The following PDE3B variants were observed in gnomAD, a reference collection of about 807,000 sequenced individuals.
The protein encoded by PDE3B is cGMP-inhibited 3',5'-cyclic phosphodiesterase 3B.
In PDE3B, 66 loss-of-function variants were observed where a neutral mutation model predicts 116.8. The ratio of observed to expected loss-of-function variants is 0.56; its 90% CI spans 0.46 to 0.69. The LOEUF is 0.69. Ranked by LOEUF, PDE3B falls within the 30% of genes least tolerant of loss-of-function variation. PDE3B has a pLI of 0.00. For synonymous variants in PDE3B, 595 were observed against 533.6 expected (o/e 1.12, Z -1.59); for missense variants, 1,384 against 1,368.1 (o/e 1.01, Z -0.18).
At chr11:14,755,022 A>G (rs1037801398) in intron 1 of PDE3B, among the ~76,000 whole-genome samples, 1 of 152,216 alleles carries the variant, frequency 6.6e-6, no homozygotes, top group Non-Finnish European at 1.5e-5. Context: ...CTCAACCACG[A>G]TTACTGAACA....
rs551268464 is a variant in PDE3B at position 14,694,022 on chromosome 11, G to C, written c.978+48969G>C. On this transcript the variant is annotated intron_variant, in intron 1 of 15. Transcript: ENST00000282096. Reference sequence around the variant, plus strand: ...TTCCAGCCCTCATGAGTGACTTTGAGGGGTTCAAGATGTTAGTGGAGGAAG... The same window carrying C: ...TTCCAGCCCTCATGAGTGACTTTGACGGGTTCAAGATGTTAGTGGAGGAAG... 2.6e-5 allele frequency among the ~76,000 whole-genome samples: 4 copies of C among 152,246 alleles called. No individual in the cohort carries two copies. The East Asian group carries it at 5.8e-4, about 22-fold the overall frequency.
chr11:14,758,167 C>T (rs1475103717), intron 1 of PDE3B, among the ~76,000 whole-genome samples: 1 of 152,162 alleles, frequency 6.6e-6, no homozygotes, highest in Non-Finnish European at 1.5e-5. Context: ...ATCTATATCT[C>T]TGATTTGGTA....
Position 14,643,899 on chromosome 11 carries a change from A to G in PDE3B, c.-177A>G, listed in dbSNP as rs1475249830. 4.5e-6 allele frequency: 4 copies of G among 897,562 alleles called. No homozygotes were observed. Among genetic ancestry groups the G allele is most frequent in the Non-Finnish European group, 6.1e-6 (4 of 651,194 alleles). The allele number at this position is 897,562 out of a possible 1,614,324, so 55.6% of individuals were successfully genotyped here. Reference sequence around the variant, plus strand: ...CCTCTCCTCAGCCAGCATGTCCCGGACTCCGCCGCTCCTCAGTCCGCGCGG... The same window carrying G: ...CCTCTCCTCAGCCAGCATGTCCCGGGCTCCGCCGCTCCTCAGTCCGCGCGG... On this transcript the variant is annotated 5_prime_UTR_variant, in exon 1 of 16. Transcript: ENST00000282096.
chr11:14,863,404 C>T (rs879986659), intron 14 of PDE3B, among the ~76,000 whole-genome samples: 2 of 152,270 alleles, frequency 1.3e-5, no homozygotes, highest in East Asian at 1.9e-4. Flanking sequence ...AAGAGGTTAT[C>T]CCATTGTGGT....
chr11:14,725,223 G>C (rs1177362577), intron 1 of PDE3B, among the ~76,000 whole-genome samples: 2 of 152,028 alleles, frequency 1.3e-5, no homozygotes, highest in East Asian at 3.9e-4. Flanking sequence ...AAATTGGCAG[G>C]CTCAAACTTC....
At chr11:14,832,371 A>G (rs576915738) in intron 9 of PDE3B, among the ~76,000 whole-genome samples, 1 of 152,254 alleles carries the variant, frequency 6.6e-6, no homozygotes, top group Non-Finnish European at 1.5e-5. Flanking sequence ...AAAATGTGAT[A>G]AACTTAGTAT....
intron 1 of PDE3B, among the ~76,000 whole-genome samples, chr11:14,662,422 C>T (rs1853958355): frequency 6.6e-6 from 1 of 152,206 alleles, no homozygotes; most frequent in African/African-American, 2.4e-5. Flanking sequence ...CAAAGGAACT[C>T]AGCTCCTCAC....
At chr11:14,843,667 T>C (rs941977662) in intron 11 of PDE3B, among the ~76,000 whole-genome samples, 160 bp from the exon 12 acceptor site, 2 of 152,206 alleles carry the variant, frequency 1.3e-5, no homozygotes, top group African/African-American at 4.8e-5. Flanking sequence ...ACATGTTAAA[T>C]TGGGAATAAT....
intron 1 of PDE3B, among the ~76,000 whole-genome samples, chr11:14,732,303 C>T (rs1856479466): frequency 6.6e-6 from 1 of 152,142 alleles, no homozygotes; most frequent in African/African-American, 2.4e-5. Context: ...GTCTAGATTT[C>T]ATACTGGTAC....
At chr11:14,806,871 A>G (rs60565271) in intron 5 of PDE3B, among the ~76,000 whole-genome samples, 12,023 of 150,432 alleles carry the variant, frequency 0.08, 500 homozygotes, top group Middle Eastern at 0.13. Context: ...AAAAAAAAAA[A>G]AAAAAAAAAG....
intron 1 of PDE3B, among the ~76,000 whole-genome samples, chr11:14,671,376 C>G (rs1015683815): frequency 1.3e-5 from 2 of 151,946 alleles, no homozygotes; most frequent in Non-Finnish European, 2.9e-5. Context: ...GGCAGAAGAA[C>G]CAGCAAAGGC....
At chr11:14,742,683 G>C (rs563903257) in intron 1 of PDE3B, among the ~76,000 whole-genome samples, 1 of 152,124 alleles carries the variant, frequency 6.6e-6, no homozygotes, top group African/African-American at 2.4e-5. Flanking sequence ...GGAATTTTCA[G>C]CCTTTTTGTG....
Position 14,683,367 on chromosome 11 carries a change from T to A in PDE3B, c.978+38314T>A, listed in dbSNP as rs192268223. ...TGAACTTATTTAATAGTTATAGAAT[T>A]ACTCAGAATATCTATCTCATCATTG... On this transcript the variant is annotated intron_variant, in intron 1 of 15. Transcript: ENST00000282096. Among the ~76,000 whole-genome samples the A allele has an allele frequency of 2.4e-3, 358 of 152,278 alleles. 1 individual carries two copies. The highest frequency in any genetic ancestry group is 8.1e-3 in the African/African-American group (337 of 41,576).
chr11:14,780,465 C>T (rs147111072), intron 2 of PDE3B, among the ~76,000 whole-genome samples: 20,061 of 152,190 alleles, frequency 0.13, 1,519 homozygotes, highest in African/African-American at 0.2. Flanking sequence ...AACAAACTGT[C>T]TCTCAGACCA....
At chr11:14,859,008 A>C (rs1555006600) in intron 12 of PDE3B, 35 bp from the exon 13 acceptor site, 2 of 1,430,562 alleles carry the variant, frequency 1.4e-6, no homozygotes, top group South Asian at 2.4e-5. Context: ...AATATCTTTG[A>C]GGTGTCTGCC....
intron 12 of PDE3B, among the ~76,000 whole-genome samples, chr11:14,850,351 G>A (rs1054561950): frequency 6.6e-6 from 1 of 152,040 alleles, no homozygotes; most frequent in African/African-American, 2.4e-5. Context: ...GGTGGGGGAA[G>A]GGGGGAGGGA....
intron 1 of PDE3B, among the ~76,000 whole-genome samples, chr11:14,724,905 C>A (rs1856236078): frequency 6.6e-6 from 1 of 152,096 alleles, no homozygotes; most frequent in Non-Finnish European, 1.5e-5. Flanking sequence ...CTATTATATA[C>A]CAGGCACAAA....
intron 12 of PDE3B, among the ~76,000 whole-genome samples, chr11:14,850,232 G>A (rs1034467764): frequency 3.5e-4 from 53 of 151,844 alleles, no homozygotes; most frequent in African/African-American, 7.7e-4. Flanking sequence ...GTAAACTATC[G>A]CAAGAACAAA....
chr11:14,667,585 A>C (rs1391466033), intron 1 of PDE3B, among the ~76,000 whole-genome samples: 1 of 151,686 alleles, frequency 6.6e-6, no homozygotes, highest in Non-Finnish European at 1.5e-5. Flanking sequence ...AACTGTCGCA[A>C]GGACAAAAAA....
Sources: allele counts gnomAD v4.1 joint callset (sites outside exome capture counted in the v4.1 genomes callset), GRCh38; gene constraint gnomAD v4.1.1; transcripts MANE v1.5; gene names NCBI Gene and HGNC (gene_info 2026-07-23, HGNC 2026-07-21).